The following DNAH11 variants were observed in gnomAD, a reference collection of about 807,000 sequenced individuals.
DNAH11 encodes dynein axonemal heavy chain 11.
Under a neutral mutation model 526.0 loss-of-function variants are expected in DNAH11, and 442 were observed. The ratio of observed to expected loss-of-function variants is 0.84; its 90% CI spans 0.78 to 0.91. The LOEUF (loss-of-function observed/expected upper bound fraction) is 0.91, where lower values mean the gene tolerates loss of function less well. Ranked by LOEUF, DNAH11 falls within the 40% of genes least tolerant of loss-of-function variation. The probability of loss-of-function intolerance (pLI) is 0.00; values close to 1 mark genes in which losing one functional copy is unlikely to be tolerated. For synonymous variants in DNAH11, 2,461 were observed against 1,935.9 expected, an observed-to-expected ratio of 1.27 and a Z score of -7.12; for missense variants, 6,989 against 5,448.7, an observed-to-expected ratio of 1.28 and a Z score of -8.90.
intron 45 of DNAH11, among the ~76,000 whole-genome samples, chr7:21,731,597 A>G (rs984006314): frequency 6.6e-6 from 1 of 152,226 alleles, no homozygotes; most frequent in Non-Finnish European, 1.5e-5. Context: ...AAAAGTTCAA[A>G]CAAAAAAGCA....
At chr7:21,634,894 A>T (rs1786783142) in intron 25 of DNAH11, among the ~76,000 whole-genome samples, 2 of 152,234 alleles carry the variant, frequency 1.3e-5, no homozygotes, top group South Asian at 4.1e-4. Context: ...ATGCTGTGTG[A>T]TAGAAGCGTT....
chr7:21,849,955 A>G (rs770105069), intron 66 of DNAH11, among the ~76,000 whole-genome samples: 1 of 148,320 alleles, frequency 6.7e-6, no homozygotes, highest in Non-Finnish European at 1.5e-5. Context: ...GTTCTTGGAT[A>G]TTCTTTCCTT....
chr7:21,856,546 C>T (rs1048984958), intron 68 of DNAH11, among the ~76,000 whole-genome samples: 1 of 152,112 alleles, frequency 6.6e-6, no homozygotes, highest in Admixed American at 6.5e-5. Flanking sequence ...AAATACTGGG[C>T]AGTCCCCCCT....
chr7:21,613,875 C>G (rs1038285274), intron 20 of DNAH11, among the ~76,000 whole-genome samples: 1 of 152,138 alleles, frequency 6.6e-6, no homozygotes, highest in African/African-American at 2.4e-5. Context: ...TTAGGTCATT[C>G]TCCCACCTCA....
At position 21,564,237 on chromosome 7, in the gene DNAH11, A is replaced by G; in HGVS notation, c.1034A>G (p.His345Arg). 1 of 1,612,750 alleles carries G rather than the reference A, an allele frequency of 6.2e-7. No homozygotes were observed. Residue 345 changes from histidine to arginine, a missense_variant, in exon 6 of 82, where the codon CAC becomes CGC. Transcript: ENST00000409508. ...CTTTACCTGAGACCTCTGAGGAGAC[A>G]CATCCAGTGTCTCCAGGAGACGGAA... ...VELYLRPLRR[H>R]IQCLQETEFP...
At chr7:21,720,652 G>A (rs1230554128) in intron 43 of DNAH11, 73 bp from the exon 44 acceptor site, 15 of 1,455,310 alleles carry the variant, frequency 1.0e-5, no homozygotes, top group Non-Finnish European at 1.4e-5. Context: ...ATAAAGTGGA[G>A]TTGTAAAAAT....
chr7:21,752,593 T>C (rs1717791288), intron 54 of DNAH11, among the ~76,000 whole-genome samples: 1 of 152,234 alleles, frequency 6.6e-6, no homozygotes, highest in Admixed American at 6.5e-5. Context: ...TTTCCAATTT[T>C]TTAAAGGTTT....
chr7:21,826,093 T>G (rs543078982), intron 65 of DNAH11, among the ~76,000 whole-genome samples: 1 of 152,288 alleles, frequency 6.6e-6, no homozygotes, highest in African/African-American at 2.4e-5. Flanking sequence ...ATGGTTACAT[T>G]GAAAGCACAG....
chr7:21,741,789 C>T, intron 48 of DNAH11, 138 bp from the exon 49 acceptor site: 2 of 964,626 alleles, frequency 2.1e-6, no homozygotes, highest in South Asian at 1.7e-5. Flanking sequence ...ACATGGCCAA[C>T]CCCAGAGTCA....
chr7:21,590,971 C>T lies in DNAH11; in HGVS notation c.2223C>T (p.Asp741=), dbSNP rs1313863356. 7 of 1,519,580 alleles carry T rather than the reference C, an allele frequency of 4.6e-6. No individual in the cohort carries two copies. The highest frequency in any genetic ancestry group is 8.7e-7 in the Non-Finnish European group (1 of 1,144,200). 94.1% of individuals were successfully genotyped at this position (1,519,580 alleles called of 1,614,324 possible). ...VKYLLMLKKQ[D]IPDSALAIFK... Reference sequence around the variant, plus strand: ...ATCTTTTGATGTTGAAGAAACAAGACATACCAGATTCAGCTTTAGCCATCT... The same window carrying T: ...ATCTTTTGATGTTGAAGAAACAAGATATACCAGATTCAGCTTTAGCCATCT... The change falls in exon 13 of 82, where the codon GAC becomes GAT. Residue 741 remains aspartate (D), a synonymous_variant. Transcript: ENST00000409508.
chr7:21,724,230 C>G (rs1244486705), intron 44 of DNAH11, among the ~76,000 whole-genome samples: 1 of 152,162 alleles, frequency 6.6e-6, no homozygotes, highest in Admixed American at 6.5e-5. Context: ...TGGCTCAAGA[C>G]CAACTTTTGT....
chr7:21,830,961 CAG>C (rs998458295), intron 65 of DNAH11, among the ~76,000 whole-genome samples: 1 of 152,170 alleles, frequency 6.6e-6, no homozygotes, highest in African/African-American at 2.4e-5. Flanking sequence ...TGGGAAGAGA[CAG>C]AGGAGGAGCT....
intron 65 of DNAH11, among the ~76,000 whole-genome samples, chr7:21,839,186 C>T (rs1342681828): frequency 6.6e-6 from 1 of 152,078 alleles, no homozygotes. Context: ...TTCACTTGTA[C>T]AGATGTTTGA....
intron 54 of DNAH11, among the ~76,000 whole-genome samples, chr7:21,758,615 A>G (rs7780974): frequency 0.49 from 73,927 of 152,028 alleles, 21,187 homozygotes; most frequent in Non-Finnish European, 0.64. Flanking sequence ...ATGTAAGATA[A>G]CAGAAGACAG....
chr7:21,684,229 G>A (rs1783274144), intron 32 of DNAH11, among the ~76,000 whole-genome samples: 1 of 152,086 alleles, frequency 6.6e-6, no homozygotes, highest in African/African-American at 2.4e-5. Flanking sequence ...CACCCCCACA[G>A]GATTCCTTTA....
rs1357332501 is a variant in DNAH11 at position 21,625,258 on chromosome 7, A to G, written c.4500+5180A>G. ...TATTTCTTCTTGATTCAGTCTTGGT[A>G]GGTTGTATGTTTCTAGGAACTTAAC... On this transcript the variant is annotated intron_variant, in intron 25 of 81. Transcript: ENST00000409508. Among the ~76,000 whole-genome samples, 4 of 152,046 alleles carry G rather than the reference A, an allele frequency of 2.6e-5. No homozygotes were observed. In the East Asian group the frequency reaches 5.8e-4, roughly 22 times the overall value.
chr7:21,651,439 T>G (rs1236626074), intron 28 of DNAH11, among the ~76,000 whole-genome samples: 2 of 152,140 alleles, frequency 1.3e-5, no homozygotes, highest in South Asian at 2.1e-4. Flanking sequence ...CTCAGCTCAC[T>G]GCAACCTCCG....
intron 65 of DNAH11, among the ~76,000 whole-genome samples, chr7:21,823,617 A>T (rs1302195709): frequency 1.5e-4 from 23 of 152,068 alleles, no homozygotes; most frequent in Admixed American, 1.5e-3. Flanking sequence ...TCACTCATAC[A>T]TAACTTTGAT....
chr7:21,802,997 T>C (rs1009146757), intron 62 of DNAH11, among the ~76,000 whole-genome samples: 6 of 150,916 alleles, frequency 4.0e-5, no homozygotes, highest in Non-Finnish European at 7.4e-5. Flanking sequence ...TTTTAATGGG[T>C]GAATTTCATG....
Sources: gnomAD v4.1 joint callset for allele counts (sites outside exome capture counted in the v4.1 genomes callset) on GRCh38, gnomAD v4.1.1 for gene constraint, MANE v1.5 for transcripts, NCBI Gene and HGNC (gene_info 2026-07-23, HGNC 2026-07-21) for gene names.